Variants in CRAMP1 observed in about 807,000 individuals in gnomAD.
CRAMP1 encodes cramped chromatin regulator 1.
CRAMP1 carries 50 observed loss-of-function variants against 115.4 expected under a neutral mutation model. That is an observed-to-expected ratio of 0.43 (90% CI 0.35 to 0.55). The LOEUF (loss-of-function observed/expected upper bound fraction) is 0.55. CRAMP1 is among the 20% of genes least tolerant of loss of function. The probability of loss-of-function intolerance (pLI) is 0.01; values close to 1 mark genes in which losing one functional copy is unlikely to be tolerated. For synonymous variants in CRAMP1, 866 were observed against 745.4 expected, an observed-to-expected ratio of 1.16 and a Z score of -2.64; for missense variants, 1,679 against 1,721.7, an observed-to-expected ratio of 0.98 and a Z score of 0.44.
Position 1,641,149 on chromosome 16 carries a change from C to G in CRAMP1, c.789C>G (p.Asp263Glu), listed in dbSNP as rs2036628665. 3 of 1,610,844 alleles carry G rather than the reference C, an allele frequency of 1.9e-6. No homozygotes were observed. In the South Asian group the frequency reaches 3.3e-5, roughly 18 times the overall value. ...TTTTTCCATTTAAAGGTATGGATGA[C>G]AAGAATGCAACAAAGCTGAATGAAC... ...LRKKIGGCMDDKNATKLNELI... is the reference protein window; with the variant it reads ...LRKKIGGCMDEKNATKLNELI... Residue 263 changes from aspartate (D) to glutamate (E), a missense_variant, in exon 6 of 21, where the codon GAC becomes GAG. Asp to Glu is a conservative substitution (Grantham distance 45). This residue lies in a region of CRAMP1 where 42 missense variants were observed against 42.3 expected (regional missense o/e 0.99). Transcript: ENST00000397412.
chr16:1,662,589 C>T lies in CRAMP1; in HGVS notation c.2513C>T (p.Pro838Leu). Residue 838 changes from proline to leucine, a missense_variant, in exon 12 of 21, where the codon CCA (proline) becomes CTA (leucine). Pro to Leu is a moderately conservative substitution (Grantham distance 98, BLOSUM62 -3). Around this residue, in one of 8 missense-constraint regions of CRAMP1, gnomAD observed 709 missense variants for 741.9 expected, o/e 0.96. Coordinates refer to ENST00000397412, the MANE Select transcript of CRAMP1 (RefSeq NM_020825.4). ...CTTTTTGCTGTCCCGACAACCTTGC[C>T]ACCCAACAGCCGACACGGGAAGCTC... ...GGLFAVPTTL[P>L]PNSRHGKLFS... 6.2e-7 allele frequency: 1 copy of T among 1,614,004 alleles called. No homozygotes were observed. The highest frequency in any genetic ancestry group is 8.5e-7 in the Non-Finnish European group (1 of 1,179,890).
intron 6 of CRAMP1, among the ~76,000 whole-genome samples, chr16:1,649,592 C>T (rs1181722917): frequency 6.6e-6 from 1 of 151,634 alleles, no homozygotes; most frequent in African/African-American, 2.4e-5. Context: ...TGGGTTCACA[C>T]CATTCTCCTG....
chr16:1,646,403 C>T (rs573313262), intron 6 of CRAMP1, among the ~76,000 whole-genome samples: 7 of 152,164 alleles, frequency 4.6e-5, no homozygotes, highest in Non-Finnish European at 1.0e-4. Context: ...TAAAGTCACC[C>T]TAGTAGGTGT....
chr16:1,666,376 G>T lies in CRAMP1; in HGVS notation c.2858-46G>T. 1 of 1,566,982 alleles carries T rather than the reference G, an allele frequency of 6.4e-7. No homozygotes were observed. The highest frequency in any genetic ancestry group is 2.3e-5 in the East Asian group (1 of 43,252). On this transcript the variant is annotated intron_variant, in intron 15 of 20. Coordinates refer to ENST00000397412, the MANE Select transcript of CRAMP1 (RefSeq NM_020825.4). This position sits in a 1 kb window ranked among gnomAD's most constrained non-coding sequence, Gnocchi z 5.0. ...CCCGAGCCCTCTTGGGACATCTTAT[G>T]GGTTGTCAGTAGAGCAGAGATGTGC...
chr16:1,636,873 G>T (rs2142182234), intron 4 of CRAMP1, among the ~76,000 whole-genome samples: 1 of 152,356 alleles, frequency 6.6e-6, no homozygotes, highest in Non-Finnish European at 1.5e-5. Flanking sequence ...GGAAAGAGGG[G>T]TGGGAAAAGG....
chr16:1,654,828 C>T (rs1038559086), intron 8 of CRAMP1, among the ~76,000 whole-genome samples: 1 of 152,262 alleles, frequency 6.6e-6, no homozygotes, highest in East Asian at 1.9e-4. Context: ...ATCAGTACTT[C>T]ATTCCTTCCG....
Position 1,656,903 on chromosome 16 carries a change from C to T in CRAMP1, c.2146C>T (p.Arg716Cys), listed in dbSNP as rs771069939. The T allele has an allele frequency of 2.3e-5, 35 of 1,552,068 alleles. No individual in the cohort carries two copies. In the Middle Eastern group the frequency reaches 5.0e-4, roughly 22 times the overall value. ...DWLGPGRQDPRPGSLPTALHK... is the reference protein window; with the variant it reads ...DWLGPGRQDPCPGSLPTALHK... ...GCTGGGGCCCGGCCGCCAGGACCCC[C>T]GCCCCGGCTCCCTACCCACCGCCCT... is the stretch of plus-strand genomic sequence containing the variant. Residue 716 changes from arginine (R) to cysteine (C), a missense_variant, in exon 10 of 21, where the codon CGC becomes TGC. Around this residue, in one of 8 missense-constraint regions of CRAMP1, gnomAD observed 709 missense variants for 741.9 expected, o/e 0.96. Transcript: ENST00000397412. This position sits in a 1 kb window ranked among gnomAD's most constrained non-coding sequence, Gnocchi z 5.6.
chr16:1,666,004 C>T lies in CRAMP1; in HGVS notation c.2753-69C>T, dbSNP rs1444627465. ...CAGTGGCTGTAAAGGAAGCCCCCTG[C>T]GGCCACATCCTGCTGTGAGGGCATG... On this transcript the variant is annotated intron_variant, in intron 14 of 20. Transcript: ENST00000397412. The surrounding 1 kb of genome is among the most constrained non-coding windows in gnomAD (Gnocchi z 5.0). 7.8e-6 allele frequency: 8 copies of T among 1,024,298 alleles called. No individual in the cohort carries two copies. The highest frequency in any genetic ancestry group is 5.2e-5 in the East Asian group (2 of 38,618). 63.5% of individuals were successfully genotyped at this position (1,024,298 alleles called of 1,614,324 possible).
At chr16:1,639,826 G>A (rs546530203) in intron 5 of CRAMP1, among the ~76,000 whole-genome samples, 1 of 152,318 alleles carries the variant, frequency 6.6e-6, no homozygotes, top group Admixed American at 6.5e-5. Context: ...GAAAGTTGGG[G>A]TTTTCCTTTT....
At chr16:1,652,894 G>T in intron 7 of CRAMP1, 139 bp from the exon 8 acceptor site, 1 of 1,033,194 alleles carries the variant, frequency 9.7e-7, no homozygotes, top group East Asian at 2.6e-5. Context: ...CTTCTTCGCT[G>T]GGGTTTCTCT....
chr16:1,623,048 C>G (rs954185510), intron 2 of CRAMP1, among the ~76,000 whole-genome samples: 1 of 152,148 alleles, frequency 6.6e-6, no homozygotes, highest in African/African-American at 2.4e-5. Flanking sequence ...AGGCGCCCAC[C>G]ACCACGCCCG....
intron 4 of CRAMP1, among the ~76,000 whole-genome samples, chr16:1,637,615 C>G (rs2036598906): frequency 6.6e-6 from 1 of 152,228 alleles, no homozygotes; most frequent in Non-Finnish European, 1.5e-5. Flanking sequence ...TAACGCCCCA[C>G]TTTGGTTTAA....
chr16:1,656,239 C>G lies in CRAMP1; in HGVS notation c.1482C>G (p.Ala494=). ...CCGGAGAGAGTTCCCCCGAAAGCGC[C>G]CCCGGGGAGGGGGCTGCCCTAAGCT... is the stretch of plus-strand genomic sequence containing the variant. The part of the protein sequence containing the change: ...QSSGESSPES[A]PGEGAALSLS... Residue 494 remains alanine (A), a synonymous_variant, in exon 10 of 21, where the codon GCC becomes GCG. Transcript: ENST00000397412. This position sits in a 1 kb window ranked among gnomAD's most constrained non-coding sequence, Gnocchi z 5.6. 1 of 1,609,182 alleles carries G rather than the reference C, an allele frequency of 6.2e-7. No individual in the cohort carries two copies. The highest frequency in any genetic ancestry group is 1.1e-5 in the South Asian group (1 of 90,952).
rs1189228382 is a variant in CRAMP1 at position 1,656,525 on chromosome 16, C to G, written c.1768C>G (p.Pro590Ala). The G allele has an allele frequency of 7.0e-6, 11 of 1,561,232 alleles. No individual in the cohort carries two copies. The highest frequency in any genetic ancestry group is 9.5e-6 in the Non-Finnish European group (11 of 1,153,562). The change falls in exon 10 of 21, where the codon CCT becomes GCT. Residue 590 changes from proline (P) to alanine (A), a missense_variant. Transcript: ENST00000397412. The surrounding 1 kb of genome is among the most constrained non-coding windows in gnomAD (Gnocchi z 5.6). ...ADTRPGSEQPPLGGAASPEVL... is the reference protein window; with the variant it reads ...ADTRPGSEQPALGGAASPEVL... ...CACACGGCCTGGGAGCGAGCAGCCC[C>G]CTCTGGGCGGGGCGGCCTCCCCAGA...
Position 1,668,143 on chromosome 16 carries a change from C to T in CRAMP1, c.3284C>T (p.Thr1095Ile), listed in dbSNP as rs1256916957. Reference sequence around the variant, plus strand: ...GCGCTGTCACAGGGCGAGCCTGCCACACACATTAGCGACTCCATCATTGAG... The same window carrying T: ...GCGCTGTCACAGGGCGAGCCTGCCATACACATTAGCGACTCCATCATTGAG... ...EDALSQGEPA[T>I]HISDSIIEIA... The change falls in exon 18 of 21, where the codon ACA becomes ATA. Residue 1095 changes from threonine (T) to isoleucine (I), a missense_variant. By Grantham distance (89) the Thr-to-Ile change is moderately conservative. Coordinates refer to ENST00000397412, the MANE Select transcript of CRAMP1 (RefSeq NM_020825.4). 8 of 1,613,616 alleles carry T rather than the reference C, an allele frequency of 5.0e-6. No individual in the cohort carries two copies. Among genetic ancestry groups the T allele is most frequent in the Non-Finnish European group, 6.8e-6 (8 of 1,179,904 alleles).
intron 3 of CRAMP1, among the ~76,000 whole-genome samples, chr16:1,631,518 G>T (rs956699896): frequency 1.3e-5 from 2 of 152,240 alleles, no homozygotes; most frequent in Non-Finnish European, 1.5e-5. Flanking sequence ...CGCTAAGGAT[G>T]CTGGTTACTG....
rs1390220256 is a variant in CRAMP1 at position 1,666,185 on chromosome 16, T to G, written c.2857+8T>G. ...CCACGAGTCACCTGGCCAGTAAGTC[T>G]GTACCTGCATGGCCACAGCCACTGA... On this transcript the variant is annotated splice_region_variant and intron_variant, in intron 15 of 20. Transcript: ENST00000397412. The surrounding 1 kb of genome is among the most constrained non-coding windows in gnomAD (Gnocchi z 5.0). 3.8e-6 allele frequency: 6 copies of G among 1,572,550 alleles called. No homozygotes were observed. Among genetic ancestry groups the G allele is most frequent in the Non-Finnish European group, 5.2e-6 (6 of 1,149,156 alleles).
rs1221081961 is a variant in CRAMP1, at chr16:1,626,008, T to C, written c.382T>C (p.Ser128Pro). The C allele has an allele frequency of 2.6e-6, 4 of 1,551,518 alleles. No individual in the cohort carries two copies. The African/African-American group carries it at 5.5e-5, about 21-fold the overall frequency. ...EGGGSSSGNV[S>P]GVAPAAPAGG... ...TGGTGGATCATCGTCTGGAAATGTGTCTGGGGTTGCCCCTGCTGCCCCTGC... is the reference window on the plus strand; with the variant it reads ...TGGTGGATCATCGTCTGGAAATGTGCCTGGGGTTGCCCCTGCTGCCCCTGC... The change falls in exon 3 of 21, where the codon TCT becomes CCT. Residue 128 changes from serine (S) to proline (P), a missense_variant. This residue lies in a region of CRAMP1 where 264 missense variants were observed against 229.7 expected (regional missense o/e 1.15). Coordinates refer to ENST00000397412, the MANE Select transcript of CRAMP1 (RefSeq NM_020825.4).
intron 13 of CRAMP1, among the ~76,000 whole-genome samples, chr16:1,664,041 C>A (rs1018392292): frequency 6.6e-6 from 1 of 152,200 alleles, no homozygotes; most frequent in African/African-American, 2.4e-5. Flanking sequence ...AGGCTGCAGC[C>A]TACTGCTGTC....
Sources: allele counts gnomAD v4.1 joint callset (sites outside exome capture counted in the v4.1 genomes callset), GRCh38; gene constraint gnomAD v4.1.1; regional missense constraint gnomAD v4.1.1; non-coding constraint Gnocchi (gnomAD v3.1); transcripts MANE v1.5; gene names NCBI Gene and HGNC (gene_info 2026-07-23, HGNC 2026-07-21).